MTMR8: variants seen among roughly 807,000 people sequenced by gnomAD.
MTMR8 encodes the protein myotubularin related protein 8.
In MTMR8, 65 loss-of-function variants were observed where a neutral mutation model predicts 39.3. The ratio of observed to expected loss-of-function variants is 1.65; its 90% confidence interval spans 1.35 to 2.03. The LOEUF is 2.03. MTMR8 is among the 30% of genes most tolerant of loss of function. MTMR8 has a pLI of 0.00. For synonymous variants in MTMR8, 245 were observed against 185.2 expected, an observed-to-expected ratio of 1.32 and a Z score of -2.62; for missense variants, 777 against 538.9, an observed-to-expected ratio of 1.44 and a Z score of -4.37.
At chrX:64,289,636 C>CAAA (rs749879321) in intron 12 of MTMR8, among the ~76,000 whole-genome samples, 56 of 26,358 alleles carry the variant, frequency 2.1e-3, no homozygotes, top group African/African-American at 2.9e-3. Flanking sequence ...GACTCCATCG[C>CAAA]AAAAAAAAAA....
intron 12 of MTMR8, among the ~76,000 whole-genome samples, chrX:64,315,565 C>T (rs1922442611): frequency 8.9e-6 from 1 of 111,757 alleles, no homozygotes; most frequent in South Asian, 3.7e-4. Context: ...GCCTCTGCTG[C>T]TTCCATTTAT....
intron 12 of MTMR8, among the ~76,000 whole-genome samples, chrX:64,309,021 T>G (rs1922214977): frequency 8.9e-6 from 1 of 112,188 alleles, no homozygotes; most frequent in South Asian, 3.7e-4. Context: ...AGCTTTGCAG[T>G]AAGTGTTAAA....
intron 12 of MTMR8, among the ~76,000 whole-genome samples, chrX:64,312,418 A>T (rs1249858819): frequency 8.9e-6 from 1 of 111,976 alleles, no homozygotes; most frequent in Non-Finnish European, 1.9e-5. Flanking sequence ...AAACCAGCAC[A>T]AGACACGGAT....
chrX:64,310,751 T>C (rs1569217167), intron 12 of MTMR8, among the ~76,000 whole-genome samples: 1 of 110,620 alleles, frequency 9.0e-6, no homozygotes, highest in East Asian at 2.8e-4. Flanking sequence ...ACATGCGGTA[T>C]TTGGTTTTCT....
chrX:64,373,626 C>T (rs897281301), intron 1 of MTMR8, among the ~76,000 whole-genome samples: 4 of 111,283 alleles, frequency 3.6e-5, no homozygotes, highest in Non-Finnish European at 7.5e-5. Context: ...TTATACTATA[C>T]TGCCACAGAC....
intron 4 of MTMR8, among the ~76,000 whole-genome samples, chrX:64,354,111 A>C (rs752230555): frequency 1.8e-5 from 2 of 109,270 alleles, no homozygotes; most frequent in East Asian, 5.8e-4. Flanking sequence ...GGAGCAAAAA[A>C]AAAAAAAAAA....
chrX:64,323,709 A>G (rs1016541822), intron 12 of MTMR8, among the ~76,000 whole-genome samples: 1 of 107,738 alleles, frequency 9.3e-6, no homozygotes, highest in African/African-American at 3.8e-5. Flanking sequence ...CATTTCCAGT[A>G]TATTTTTTTT....
At chrX:64,303,763 A>C (rs1458411585) in intron 12 of MTMR8, among the ~76,000 whole-genome samples, 2 of 112,698 alleles carry the variant, frequency 1.8e-5, no homozygotes, top group Non-Finnish European at 3.7e-5. Context: ...TTCATATAAA[A>C]CAAAGTTTGA....
At chrX:64,363,311 T>C (rs1214774549) in intron 1 of MTMR8, among the ~76,000 whole-genome samples, 1 of 112,163 alleles carries the variant, frequency 8.9e-6, no homozygotes, top group Non-Finnish European at 1.9e-5. Flanking sequence ...TGGTGGGGCC[T>C]GGTGGGAAGT....
Position 64,275,648 on chromosome X carries a change from C to CAA in MTMR8, c.1482-4577_1482-4576dup, listed in dbSNP as rs60193863. On this transcript the variant is annotated intron_variant, in intron 12 of 13. Transcript: ENST00000374852. ...CCAGGCCAACAGAGTGAGTCTCTCTCAAAAAAAAAAAAAAAAAAAGAAAGA... is the reference window on the plus strand; with the variant it reads ...CCAGGCCAACAGAGTGAGTCTCTCTCAAAAAAAAAAAAAAAAAAAAAGAAAGA... Among the ~76,000 whole-genome samples the CAA allele has an allele frequency of 1.5e-3, 60 of 40,595 alleles. 1 individual carries two copies. The highest frequency in any genetic ancestry group is 4.6e-3 in the Admixed American group (15 of 3,258). The allele number at this position is 40,595 out of a possible 115,157, so 35.3% of individuals were successfully genotyped here. A position where few individuals can be genotyped will look rare whatever the true frequency, so the allele number is the denominator to read the frequency against.
At chrX:64,311,233 G>A (rs766311475) in intron 12 of MTMR8, among the ~76,000 whole-genome samples, 29 of 111,859 alleles carry the variant, frequency 2.6e-4, no homozygotes, top group African/African-American at 9.4e-4. Flanking sequence ...GTTTTGATTT[G>A]CATTTCTCTG....
chrX:64,356,865 C>T (rs1330878134), intron 2 of MTMR8, among the ~76,000 whole-genome samples: 1 of 110,728 alleles, frequency 9.0e-6, no homozygotes, highest in African/African-American at 3.3e-5. Context: ...AATTCCTCAT[C>T]AGATATCATA....
At chrX:64,364,520 C>A (rs1032433778) in intron 1 of MTMR8, among the ~76,000 whole-genome samples, 4 of 111,750 alleles carry the variant, frequency 3.6e-5, no homozygotes, top group Non-Finnish European at 7.5e-5. Context: ...AGCTGAGGGA[C>A]CTGACTATTA....
intron 10 of MTMR8, among the ~76,000 whole-genome samples, chrX:64,332,255 T>C (rs1011154794): frequency 6.2e-5 from 7 of 112,241 alleles, no homozygotes; most frequent in Admixed American, 3.8e-4. Flanking sequence ...ATTAAGTACA[T>C]GAATGAAACC....
intron 12 of MTMR8, among the ~76,000 whole-genome samples, chrX:64,308,741 A>T (rs1922206328): frequency 1.8e-5 from 2 of 111,612 alleles, no homozygotes; most frequent in African/African-American, 6.5e-5. Context: ...ATGTTTTGTT[A>T]TATAACCTAT....
chrX:64,355,730 A>T (rs1923604861), intron 3 of MTMR8, among the ~76,000 whole-genome samples: 3 of 111,065 alleles, frequency 2.7e-5, no homozygotes, highest in Non-Finnish European at 3.8e-5. Context: ...TACATTAATG[A>T]GGACTTTGAT....
chrX:64,380,910 C>A (rs1359847407), intron 1 of MTMR8, among the ~76,000 whole-genome samples: 1 of 111,811 alleles, frequency 8.9e-6, no homozygotes, highest in Non-Finnish European at 1.9e-5. Flanking sequence ...CATGACCCTA[C>A]AAAGGACATG....
intron 1 of MTMR8, among the ~76,000 whole-genome samples, chrX:64,392,996 C>T (rs1428958451): frequency 8.9e-6 from 1 of 112,010 alleles, no homozygotes; most frequent in East Asian, 2.8e-4. Flanking sequence ...TGGGCACTCA[C>T]AGCCCTGCCA....
intron 10 of MTMR8, among the ~76,000 whole-genome samples, chrX:64,335,278 C>T (rs1276744643): frequency 1.8e-5 from 2 of 110,675 alleles, no homozygotes; most frequent in African/African-American, 3.3e-5. Flanking sequence ...ATTATAGGCA[C>T]CCGCCACCAT....
Sources: allele counts gnomAD v4.1 joint callset (sites outside exome capture counted in the v4.1 genomes callset), GRCh38; gene constraint gnomAD v4.1.1; transcripts MANE v1.5; gene names NCBI Gene and HGNC (gene_info 2026-07-23, HGNC 2026-07-21).